The following PABPC4L variants were observed in gnomAD, a reference collection of about 807,000 sequenced individuals.
PABPC4L encodes the protein polyadenylate-binding protein 4-like.
For synonymous variants in PABPC4L, 169 were observed against 164.1 expected (o/e 1.03, Z -0.23); for missense variants, 452 against 451.4 (o/e 1.00, Z -0.01).
chr4:134,140,570 T>C, the PABPC4L span, among the ~76,000 whole-genome samples: 1 of 151,788 alleles, frequency 6.6e-6, no homozygotes, highest in African/African-American at 2.4e-5. Context: ...ATTACTGTAA[T>C]GTATAATAAG....
At chr4:134,126,196 T>C in the PABPC4L span, among the ~76,000 whole-genome samples, 1 of 152,114 alleles carries the variant, frequency 6.6e-6, no homozygotes, top group Non-Finnish European at 1.5e-5. Context: ...TTTGCCTACT[T>C]ACAAACATCA....
chr4:134,050,621 C>T, the PABPC4L span, among the ~76,000 whole-genome samples: 1 of 145,498 alleles, frequency 6.9e-6, no homozygotes, highest in East Asian at 2.1e-4. Flanking sequence ...AGGAGAATCA[C>T]TTGAATCTGG....
chr4:134,167,819 T>C, the PABPC4L span, among the ~76,000 whole-genome samples: 2 of 152,026 alleles, frequency 1.3e-5, no homozygotes, highest in Admixed American at 1.3e-4. Flanking sequence ...AAGAGAGAGA[T>C]AGGCCCCAAT....
the PABPC4L span, among the ~76,000 whole-genome samples, chr4:134,189,760 T>C: frequency 6.6e-6 from 1 of 152,100 alleles, no homozygotes; most frequent in Non-Finnish European, 1.5e-5. Context: ...TTCTTTTTGT[T>C]GGTTTTGTTT....
At chr4:134,139,766 C>T in the PABPC4L span, among the ~76,000 whole-genome samples, 1 of 151,418 alleles carries the variant, frequency 6.6e-6, no homozygotes, top group East Asian at 1.9e-4. Context: ...CTCAAGTGAT[C>T]CTTCCACCTA....
the PABPC4L span, among the ~76,000 whole-genome samples, chr4:133,985,228 G>A: frequency 6.6e-6 from 1 of 151,878 alleles, no homozygotes; most frequent in Non-Finnish European, 1.5e-5. Context: ...AGCAGAGATG[G>A]TTATCACAAC....
rs1052867476 is a variant in PABPC4L, at chr4:134,198,826, T to C, written c.*1081A>G. On this transcript the variant is annotated 3_prime_UTR_variant, in exon 2 of 2. Coordinates refer to ENST00000421491, the MANE Select transcript of PABPC4L (RefSeq NM_001114734.2). ...TTATGCTAGAAAACAGAATAAGTGA[T>C]GTAACTTCAATTCATCAGAAAATCA... is the stretch of plus-strand genomic sequence containing the variant. 5 of 151,952 alleles carry C rather than the reference T, an allele frequency of 3.3e-5. No homozygotes were observed. Among genetic ancestry groups the C allele is most frequent in the Admixed American group, 3.3e-4 (5 of 15,234 alleles). The allele number at this position is 151,952 out of a possible 1,614,324, so 9.4% of individuals were successfully genotyped here. A position where few individuals can be genotyped will look rare whatever the true frequency, so the allele number is the denominator to read the frequency against.
At chr4:134,055,064 T>C in the PABPC4L span, among the ~76,000 whole-genome samples, 3 of 152,056 alleles carry the variant, frequency 2.0e-5, no homozygotes, top group African/African-American at 7.2e-5. Flanking sequence ...ATTGTGGCTT[T>C]AATTTGCATT....
chr4:134,032,466 C>T, the PABPC4L span, among the ~76,000 whole-genome samples: 1 of 151,860 alleles, frequency 6.6e-6, no homozygotes, highest in Non-Finnish European at 1.5e-5. Context: ...TTTAGAAACA[C>T]ATTCCACCAA....
At chr4:134,110,323 T>A in the PABPC4L span, among the ~76,000 whole-genome samples, 8 of 152,032 alleles carry the variant, frequency 5.3e-5, no homozygotes, top group African/African-American at 1.9e-4. Flanking sequence ...AAGAAAAATT[T>A]AGGATACTTT....
At chr4:134,102,536 G>A in the PABPC4L span, among the ~76,000 whole-genome samples, 8 of 151,400 alleles carry the variant, frequency 5.3e-5, no homozygotes, top group African/African-American at 1.5e-4. Flanking sequence ...GGAAAACTCC[G>A]CCTCAAAGGA....
At chr4:134,115,016 C>G in the PABPC4L span, among the ~76,000 whole-genome samples, 7 of 151,706 alleles carry the variant, frequency 4.6e-5, no homozygotes, top group Non-Finnish European at 1.0e-4. Context: ...ATTGGGAATG[C>G]ACCACTGTGT....
rs1483726052 is a variant in PABPC4L, at chr4:134,196,599, T to C, written c.*3308A>G. The C allele has an allele frequency of 2.0e-5, 3 of 151,728 alleles. No homozygotes were observed. The highest frequency in any genetic ancestry group is 4.1e-4 in the South Asian group (2 of 4,832). The allele number at this position is 151,728 out of a possible 1,614,324, so 9.4% of individuals were successfully genotyped here. A position where few individuals can be genotyped will look rare whatever the true frequency, so the allele number is the denominator to read the frequency against. On this transcript the variant is annotated 3_prime_UTR_variant, in exon 2 of 2. Coordinates refer to ENST00000421491, the MANE Select transcript of PABPC4L (RefSeq NM_001114734.2). ...GAAACAGTGGCTCAAGGCATATCTATGTACATTAGCTTTTACTGGAATGCT... is the reference window on the plus strand; with the variant it reads ...GAAACAGTGGCTCAAGGCATATCTACGTACATTAGCTTTTACTGGAATGCT...
At chr4:134,015,363 C>T in the PABPC4L span, among the ~76,000 whole-genome samples, 1 of 152,076 alleles carries the variant, frequency 6.6e-6, no homozygotes, top group Admixed American at 6.6e-5. Flanking sequence ...AACCCATATA[C>T]TCTCCTATCC....
the PABPC4L span, chr4:134,010,690 C>T: frequency 6.6e-6 from 1 of 152,074 alleles, no homozygotes; most frequent in East Asian, 1.9e-4. Flanking sequence ...GCAATGATAG[C>T]CTATGACAGA....
At chr4:134,133,796 C>T in the PABPC4L span, among the ~76,000 whole-genome samples, 2 of 151,864 alleles carry the variant, frequency 1.3e-5, no homozygotes, top group African/African-American at 4.8e-5. Flanking sequence ...TAATGAAACA[C>T]CACATATTCC....
At chr4:134,067,421 T>C in the PABPC4L span, among the ~76,000 whole-genome samples, 3 of 152,106 alleles carry the variant, frequency 2.0e-5, no homozygotes, top group East Asian at 1.9e-4. Context: ...TTCTTTCTTT[T>C]TTCTTTATTA....
At chr4:134,146,263 G>C in the PABPC4L span, among the ~76,000 whole-genome samples, 21 of 151,782 alleles carry the variant, frequency 1.4e-4, no homozygotes, top group Middle Eastern at 3.4e-3. Flanking sequence ...CATGTCTAAT[G>C]TCCATATTAC....
chr4:134,122,533 A>G, the PABPC4L span, among the ~76,000 whole-genome samples: 1 of 152,002 alleles, frequency 6.6e-6, no homozygotes, highest in African/African-American at 2.4e-5. Flanking sequence ...TGAAAATTAG[A>G]TCAAAAGAAG....
Sources: allele counts gnomAD v4.1 joint callset (sites outside exome capture counted in the v4.1 genomes callset), GRCh38; gene constraint gnomAD v4.1.1; transcripts MANE v1.5; gene names NCBI Gene and HGNC (gene_info 2026-07-23, HGNC 2026-07-21).